The following CADM1 variants were observed in gnomAD, a reference collection of about 807,000 sequenced individuals.
The protein encoded by CADM1 is cell adhesion molecule 1, also known as TSLC-1.
In CADM1, 15 loss-of-function variants were observed where a neutral mutation model predicts 53.1. The ratio of observed to expected loss-of-function variants is 0.28; its 90% confidence interval spans 0.19 to 0.44. CADM1 has a LOEUF of 0.44. Ranked by LOEUF, CADM1 falls within the 20% of genes least tolerant of loss-of-function variation. The probability of loss-of-function intolerance (pLI) is 1.00; values close to 1 mark genes in which losing one functional copy is unlikely to be tolerated. For synonymous variants in CADM1, 281 were observed against 243.0 expected (o/e 1.16, Z -1.45); for missense variants, 434 against 611.3 (o/e 0.71, Z 3.06).
At chr11:115,258,561 A>T (rs1942867318) in intron 1 of CADM1, among the ~76,000 whole-genome samples, 1 of 152,204 alleles carries the variant, frequency 6.6e-6, no homozygotes, top group African/African-American at 2.4e-5. Context: ...TCAACTGTCT[A>T]AGATTTGGGC....
At chr11:115,451,074 T>C (rs1948561458) in intron 1 of CADM1, among the ~76,000 whole-genome samples, 1 of 152,210 alleles carries the variant, frequency 6.6e-6, no homozygotes, top group African/African-American at 2.4e-5. Flanking sequence ...TTAAGAATAA[T>C]CTGGAAATAA....
At position 115,187,765 on chromosome 11, in the gene CADM1, G is replaced by A. The variant is rs559036363; in HGVS notation, c.1165+3123C>T. Among the ~76,000 whole-genome samples the A allele has an allele frequency of 2.0e-4, 31 of 152,292 alleles. No homozygotes were observed. The South Asian group carries it at 6.2e-3, about 31-fold the overall frequency. The stretch of plus-strand genomic sequence containing the variant: ...TAAATATAGGCTATATTTTGAAGCC[G>A]TGTTTCTTGTATAATCCATTTAGGG... On this transcript the variant is annotated intron_variant, in intron 10 of 11. Transcript: ENST00000331581.
At chr11:115,419,708 C>T (rs981312397) in intron 1 of CADM1, among the ~76,000 whole-genome samples, 3 of 152,134 alleles carry the variant, frequency 2.0e-5, no homozygotes, top group Non-Finnish European at 4.4e-5. Context: ...ACTCAATAAT[C>T]TGATTAGTTA....
intron 1 of CADM1, among the ~76,000 whole-genome samples, chr11:115,295,506 T>TTACATATA (rs1944028452): frequency 1.8e-5 from 1 of 55,056 alleles, no homozygotes; most frequent in Non-Finnish European, 3.1e-5. Context: ...TCAAGATATT[T>TTACATATA]TATATATATA....
intron 8 of CADM1, among the ~76,000 whole-genome samples, chr11:115,206,755 CTTCTTTTTTTTTTTT>C (rs1940704553): frequency 1.8e-4 from 1 of 5,430 alleles, no homozygotes; most frequent in African/African-American, 3.7e-4. Context: ...TGACTGTGGA[CTTCTTTTTTTTTTTT>C]TTTTTTTTTT....
At chr11:115,302,335 T>C (rs1195757943) in intron 1 of CADM1, among the ~76,000 whole-genome samples, 1 of 152,104 alleles carries the variant, frequency 6.6e-6, no homozygotes, top group African/African-American at 2.4e-5. Flanking sequence ...CTTATAGTCA[T>C]TATGTGAAAT....
intron 1 of CADM1, among the ~76,000 whole-genome samples, chr11:115,460,750 GTAACTT>G (rs1948777381): frequency 6.6e-6 from 1 of 151,300 alleles, no homozygotes; most frequent in Non-Finnish European, 1.5e-5. Context: ...GGAGGTAAAA[GTAACTT>G]TATACTGCCT....
In CADM1 at chr11:115,402,072, TAAA is replaced by T. The variant is rs576717087; in HGVS notation, c.124+102196_124+102198del. 3.9e-3 allele frequency among the ~76,000 whole-genome samples: 590 copies of T among 152,032 alleles called. 7 individuals carry two copies. Among genetic ancestry groups the T allele is most frequent in the African/African-American group, 0.013 (555 of 41,476 alleles). On this transcript the variant is annotated intron_variant, in intron 1 of 11. Transcript: ENST00000331581. ...AGAGAAAAGGCAGATCCAGAAATAA[TAAA>T]AAATAACTTTGTGTACATAAAAATG...
intron 7 of CADM1, among the ~76,000 whole-genome samples, chr11:115,212,493 T>C (rs950526844): frequency 2.0e-5 from 3 of 152,204 alleles, no homozygotes; most frequent in Admixed American, 6.5e-5. Flanking sequence ...TAGACAAGGA[T>C]AGGTGTACCA....
chr11:115,258,935 T>C (rs1565329482), intron 1 of CADM1, among the ~76,000 whole-genome samples: 1 of 152,170 alleles, frequency 6.6e-6, no homozygotes, highest in Non-Finnish European at 1.5e-5. Flanking sequence ...ATAGGTGCCC[T>C]AGAAAGCTTT....
intron 8 of CADM1, among the ~76,000 whole-genome samples, chr11:115,206,475 G>C (rs1369979977): frequency 6.6e-6 from 1 of 152,154 alleles, no homozygotes; most frequent in African/African-American, 2.4e-5. Context: ...GGGTCTCCAC[G>C]ATGAAGCTTT....
chr11:115,443,678 T>C (rs986226150), intron 1 of CADM1, among the ~76,000 whole-genome samples: 9 of 152,236 alleles, frequency 5.9e-5, no homozygotes, highest in Non-Finnish European at 4.4e-5. Flanking sequence ...AAAAGGAAAT[T>C]TTAAAAAGCA....
intron 1 of CADM1, among the ~76,000 whole-genome samples, chr11:115,472,237 A>G (rs917594401): frequency 3.9e-5 from 6 of 152,246 alleles, no homozygotes; most frequent in Non-Finnish European, 8.8e-5. Context: ...TAGTAATTGT[A>G]TCCTATAGCT....
chr11:115,196,662 T>G (rs1940172809), intron 9 of CADM1, among the ~76,000 whole-genome samples: 2 of 149,952 alleles, frequency 1.3e-5, no homozygotes, highest in Non-Finnish European at 3.0e-5. Context: ...GTTTATGAAT[T>G]TGTGTTGGGC....
At chr11:115,328,343 C>A (rs1202362108) in intron 1 of CADM1, among the ~76,000 whole-genome samples, 1 of 151,936 alleles carries the variant, frequency 6.6e-6, no homozygotes, top group Non-Finnish European at 1.5e-5. Context: ...GATGTTTTGT[C>A]CAGATTTCAC....
intron 3 of CADM1, among the ~76,000 whole-genome samples, chr11:115,232,469 C>T (rs1941854759): frequency 6.6e-6 from 1 of 152,158 alleles, no homozygotes; most frequent in African/African-American, 2.4e-5. Context: ...AATTCCAGTG[C>T]TCCAATTTTG....
intron 2 of CADM1, 28 bp downstream of exon 2, chr11:115,240,246 A>T (rs1369405565): frequency 4.3e-6 from 7 of 1,611,570 alleles, no homozygotes; most frequent in Non-Finnish European, 5.9e-6. Context: ...AAAAGTTGCC[A>T]TCTACAACTA....
At chr11:115,348,834 A>G (rs1591733557) in intron 1 of CADM1, among the ~76,000 whole-genome samples, 2 of 152,280 alleles carry the variant, frequency 1.3e-5, no homozygotes, top group East Asian at 3.9e-4. Context: ...AAAATATATG[A>G]CAGGAGGGTC....
At chr11:115,421,345 T>A (rs1362225989) in intron 1 of CADM1, among the ~76,000 whole-genome samples, 1 of 152,252 alleles carries the variant, frequency 6.6e-6, no homozygotes, top group Non-Finnish European at 1.5e-5. Context: ...TGCTTACAAC[T>A]ACTTGACAAG....
Sources: allele counts gnomAD v4.1 joint callset (sites outside exome capture counted in the v4.1 genomes callset), GRCh38; gene constraint gnomAD v4.1.1; transcripts MANE v1.5; gene names NCBI Gene and HGNC (gene_info 2026-07-23, HGNC 2026-07-21).